Variants in ARPC5 observed in about 807,000 individuals in gnomAD.
ARPC5 encodes actin related protein 2/3 complex subunit 5.
Under a neutral mutation model 15.4 loss-of-function variants are expected in ARPC5, and 5 were observed. The observed-to-expected ratio is 0.32, with a 90% CI of 0.17 to 0.68. The LOEUF (loss-of-function observed/expected upper bound fraction) is 0.68. Among genes scored for constraint, ARPC5 ranks in the 30% least tolerant of loss-of-function variants. The probability of loss-of-function intolerance (pLI) is 0.71; values close to 1 mark genes in which losing one functional copy is unlikely to be tolerated. For synonymous variants in ARPC5, 85 were observed against 72.2 expected (o/e 1.18, Z -0.90); for missense variants, 138 against 192.8 (o/e 0.72, Z 1.68).
In ARPC5 at chr1:183,623,180, C is replaced by T; in HGVS notation, c.*4352G>A. 1 of 500,794 alleles carries T rather than the reference C, an allele frequency of 2.0e-6. No homozygotes were observed. The highest frequency in any genetic ancestry group is 2.4e-5 in the South Asian group (1 of 42,492). The allele number at this position is 500,794 out of a possible 1,614,324, so 31.0% of individuals were successfully genotyped here. ...GGGAGTTTTAGAATGCTTTGGAATT[C>T]AGGTGGGTCATACACTACTCAATTT... is the stretch of plus-strand genomic sequence containing the variant. On this transcript the variant is annotated 3_prime_UTR_variant, in exon 4 of 4. Coordinates refer to ENST00000359856, the MANE Select transcript of ARPC5 (RefSeq NM_005717.4).
chr1:183,623,243 G>C lies in ARPC5; in HGVS notation c.*4289C>G. ...GTGTGGATTCTAGGGAACTGTTTCAGAGAGAAATAAGAGATGTAAACATAG... is the reference window on the plus strand; with the variant it reads ...GTGTGGATTCTAGGGAACTGTTTCACAGAGAAATAAGAGATGTAAACATAG... On this transcript the variant is annotated 3_prime_UTR_variant, in exon 4 of 4. Transcript: ENST00000359856. 2 of 637,954 alleles carry C rather than the reference G, an allele frequency of 3.1e-6. No homozygotes were observed. The highest frequency in any genetic ancestry group is 5.4e-6 in the Non-Finnish European group (2 of 369,648). The allele number at this position is 637,954 out of a possible 1,614,324, so 39.5% of individuals were successfully genotyped here. A position where few individuals can be genotyped will look rare whatever the true frequency, so the allele number is the denominator to read the frequency against.
Position 183,627,551 on chromosome 1 carries a change from G to A in ARPC5, c.437C>T (p.Thr146Ile). 6.2e-7 allele frequency: 1 copy of A among 1,614,098 alleles called. No homozygotes were observed. ...GGVGSIVRVL[T>I]ARKTV ...GCCAGACTACACAGTTTTTCTTGCAGTCAAGACACGAACAATGGACCCTAC... is the reference window on the plus strand; with the variant it reads ...GCCAGACTACACAGTTTTTCTTGCAATCAAGACACGAACAATGGACCCTAC... Residue 146 changes from threonine to isoleucine, a missense_variant, in exon 4 of 4, where the codon ACT becomes ATT. Coordinates refer to ENST00000359856, the MANE Select transcript of ARPC5 (RefSeq NM_005717.4).
In ARPC5 at chr1:183,626,374, C is replaced by T. The variant is rs938253257; in HGVS notation, c.*1158G>A. The T allele has an allele frequency of 5.9e-5, 9 of 152,262 alleles. No homozygotes were observed. The highest frequency in any genetic ancestry group is 1.3e-4 in the Admixed American group (2 of 15,286). The allele number at this position is 152,262 out of a possible 1,614,324, so 9.4% of individuals were successfully genotyped here. ...AATGTAAATACTAAGCACAAGCTCACTTCCCTCTTGGTCAGGTGGTTTGTT... is the reference window on the plus strand; with the variant it reads ...AATGTAAATACTAAGCACAAGCTCATTTCCCTCTTGGTCAGGTGGTTTGTT... On this transcript the variant is annotated 3_prime_UTR_variant, in exon 4 of 4. Transcript: ENST00000359856.
rs1346017325 is a variant in ARPC5 at position 183,623,290 on chromosome 1, TACAC to T, written c.*4238_*4241del. 6.1e-6 allele frequency: 5 copies of T among 823,008 alleles called. No homozygotes were observed. The highest frequency in any genetic ancestry group is 5.1e-5 in the African/African-American group (3 of 58,724). The allele number at this position is 823,008 out of a possible 1,614,324, so 51.0% of individuals were successfully genotyped here. A position where few individuals can be genotyped will look rare whatever the true frequency, so the allele number is the denominator to read the frequency against. ...ATAGATTATTTATGTTGATTACTCT[TACAC>T]ACTCAAGTAACAGAAATGATAAAGG... is the stretch of plus-strand genomic sequence containing the variant. On this transcript the variant is annotated 3_prime_UTR_variant, in exon 4 of 4. Transcript: ENST00000359856.
rs1437978295 is a variant in ARPC5, at chr1:183,625,342, A to G, written c.*2190T>C. 2.0e-5 allele frequency: 3 copies of G among 152,220 alleles called. No homozygotes were observed. Among genetic ancestry groups the G allele is most frequent in the African/African-American group, 7.2e-5 (3 of 41,448 alleles). The allele number at this position is 152,220 out of a possible 1,614,324, so 9.4% of individuals were successfully genotyped here. On this transcript the variant is annotated 3_prime_UTR_variant, in exon 4 of 4. Coordinates refer to ENST00000359856, the MANE Select transcript of ARPC5 (RefSeq NM_005717.4). Reference sequence around the variant, plus strand: ...CTCTATATTATACTACTTGTTAAATATTTTTAGTATCTCCCCTCAGTAAAG... The same window carrying G: ...CTCTATATTATACTACTTGTTAAATGTTTTTAGTATCTCCCCTCAGTAAAG...
intron 1 of ARPC5, chr1:183,633,891 C>CT (rs2101958499): frequency 6.6e-6 from 1 of 152,322 alleles, no homozygotes; most frequent in Admixed American, 6.5e-5. Context: ...AAACATTCCC[C>CT]TAAAAGGAAA....
chr1:183,629,351 G>C (rs1017491434), intron 3 of ARPC5, among the ~76,000 whole-genome samples: 2 of 152,120 alleles, frequency 1.3e-5, no homozygotes, highest in Admixed American at 6.5e-5. Flanking sequence ...TACTTCACAG[G>C]GTTGTTGTAA....
intron 2 of ARPC5, chr1:183,630,918 T>C (rs926576171): frequency 6.4e-6 from 2 of 310,280 alleles, no homozygotes; most frequent in African/African-American, 2.1e-5. Context: ...GGACAGATCG[T>C]GTAAGGCCTA....
rs1199326706 is a variant in ARPC5 at position 183,635,624 on chromosome 1, C to T, written c.36G>A (p.Arg12=). The T allele has an allele frequency of 2.5e-6, 4 of 1,613,500 alleles. No homozygotes were observed. In the African/African-American group the frequency reaches 4.0e-5, roughly 16 times the overall value. The stretch of plus-strand genomic sequence containing the variant: ...CGTCATATTCATCCACGTCCACCTT[C>T]CGGAAGCGGGCCGACGACACTGTGT... ...SKNTVSSARF[R]KVDVDEYDEN... is the part of the protein sequence containing the mutation. Residue 12 remains arginine (R), a synonymous_variant, in exon 1 of 4, where the codon CGG becomes CGA. Coordinates refer to ENST00000359856, the MANE Select transcript of ARPC5 (RefSeq NM_005717.4).
intron 1 of ARPC5, 33 bp downstream of exon 1, chr1:183,635,484 C>CTGGGG (rs1649456976): frequency 2.0e-6 from 3 of 1,478,936 alleles, no homozygotes; most frequent in African/African-American, 1.4e-5. Flanking sequence ...CTGGGCTGGG[C>CTGGGG]TGGGGTGGGG....
At position 183,623,085 on chromosome 1, in the gene ARPC5, T is replaced by C. The variant is rs1322589977; in HGVS notation, c.*4447A>G. On this transcript the variant is annotated 3_prime_UTR_variant, in exon 4 of 4. Transcript: ENST00000359856. ...AGCTACTATGACTTCAGGGGGCCCATACAGTCTAGCAGCAAGGTCAAGAGG... is the reference window on the plus strand; with the variant it reads ...AGCTACTATGACTTCAGGGGGCCCACACAGTCTAGCAGCAAGGTCAAGAGG... The C allele has an allele frequency of 8.4e-6, 2 of 236,922 alleles. No homozygotes were observed. Among genetic ancestry groups the C allele is most frequent in the East Asian group, 9.8e-5 (1 of 10,210 alleles). The allele number at this position is 236,922 out of a possible 1,614,324, so 14.7% of individuals were successfully genotyped here. A position where few individuals can be genotyped will look rare whatever the true frequency, so the allele number is the denominator to read the frequency against.
At position 183,624,049 on chromosome 1, in the gene ARPC5, TTC is replaced by T. The variant is rs1491009840; in HGVS notation, c.*3481_*3482del. ...AAAAAAAAAAATTAATTAATTAATT[TTC>T]TTTTTTACCTTTATACATGGGGTTA... On this transcript the variant is annotated 3_prime_UTR_variant, in exon 4 of 4. Transcript: ENST00000359856. The T allele has an allele frequency of 1.3e-5, 2 of 150,500 alleles. No homozygotes were observed. Among genetic ancestry groups the T allele is most frequent in the African/African-American group, 5.2e-5 (2 of 38,660 alleles). 9.3% of individuals were successfully genotyped at this position (150,500 alleles called of 1,614,324 possible).
chr1:183,633,010 T>C (rs1649309349), intron 2 of ARPC5, 72 bp downstream of exon 2: 1 of 1,148,670 alleles, frequency 8.7e-7, no homozygotes, highest in African/African-American at 1.6e-5. Flanking sequence ...TTGATTTTTT[T>C]TTGCAACTGC....
chr1:183,634,484 G>GA (rs1649370629), intron 1 of ARPC5, among the ~76,000 whole-genome samples: 1 of 152,132 alleles, frequency 6.6e-6, no homozygotes, highest in Admixed American at 6.5e-5. Context: ...CCAAGAATTA[G>GA]AAATGCATAC....
rs766623313 is a variant in ARPC5, at chr1:183,633,094, A to T, written c.204T>A (p.Ser68Arg). ...ALKNPPINTK[S>R]QAVKDRAGSI... The stretch of plus-strand genomic sequence containing the variant: ...GTCTGCGACTCACCTTCACTGCCTG[A>T]CTCTTGGTGTTGATAGGGGGGTTCT... Residue 68 changes from serine (S) to arginine (R), a missense_variant, in exon 2 of 4, where the codon AGT becomes AGA. Physicochemically the swap from Ser to Arg is moderately radical, Grantham distance 110 (BLOSUM62 -1). Around this residue, in one of 3 missense-constraint regions of ARPC5, gnomAD observed 121 missense variants for 153.7 expected, o/e 0.79. Transcript: ENST00000359856. 11 of 1,603,782 alleles carry T rather than the reference A, an allele frequency of 6.9e-6. No homozygotes were observed. In the East Asian group the frequency reaches 2.5e-4, roughly 36 times the overall value.
At chr1:183,634,695 C>T (rs1051313589) in intron 1 of ARPC5, among the ~76,000 whole-genome samples, 17 of 152,174 alleles carry the variant, frequency 1.1e-4, no homozygotes, top group African/African-American at 3.6e-4. Context: ...CTGCTTTATA[C>T]GAATGACTCA....
chr1:183,630,883 C>A, intron 2 of ARPC5: 1 of 393,622 alleles, frequency 2.5e-6, no homozygotes, highest in East Asian at 4.0e-5. Flanking sequence ...GAGAAAAGCA[C>A]GTGAGTAAGT....
At position 183,630,585 on chromosome 1, in the gene ARPC5, T is replaced by C. The variant is rs538890056; in HGVS notation, c.269A>G (p.Asp90Gly). ...CAGAGATTGAACTGCCTTTTCTATA[T>C]CATTAGCTTTAAAAGAGATGAGCAC... ...LKVLISFKAN[D>G]IEKAVQSLDK... The change falls in exon 3 of 4, where the codon GAT becomes GGT. Residue 90 changes from aspartate to glycine, a missense_variant. Transcript: ENST00000359856. The C allele has an allele frequency of 1.2e-6, 2 of 1,614,142 alleles. No individual in the cohort carries two copies. The highest frequency in any genetic ancestry group is 2.2e-5 in the East Asian group (1 of 44,882).
Position 183,624,674 on chromosome 1 carries a change from T to C in ARPC5, c.*2858A>G, listed in dbSNP as rs981470952. ...CCTCCAAAGGATTAGTTCAAATTAA[T>C]GTCTCACTTTAAATACTCTGATCCA... is the stretch of plus-strand genomic sequence containing the variant. On this transcript the variant is annotated 3_prime_UTR_variant, in exon 4 of 4. Coordinates refer to ENST00000359856, the MANE Select transcript of ARPC5 (RefSeq NM_005717.4). 3 of 150,332 alleles carry C rather than the reference T, an allele frequency of 2.0e-5. No homozygotes were observed. The highest frequency in any genetic ancestry group is 7.6e-5 in the African/African-American group (3 of 39,724). The allele number at this position is 150,332 out of a possible 1,614,324, so 9.3% of individuals were successfully genotyped here. A position where few individuals can be genotyped will look rare whatever the true frequency, so the allele number is the denominator to read the frequency against.
Sources: gnomAD v4.1 joint callset for allele counts (sites outside exome capture counted in the v4.1 genomes callset) on GRCh38, gnomAD v4.1.1 for gene constraint, gnomAD v4.1.1 regional missense constraint, MANE v1.5 for transcripts, NCBI Gene and HGNC (gene_info 2026-07-23, HGNC 2026-07-21) for gene names.